The following SUFU variants were observed in gnomAD, a reference collection of about 807,000 sequenced individuals.
The protein encoded by SUFU is suppressor of fused homolog.
In SUFU, 7 loss-of-function variants were observed where a neutral mutation model predicts 58.9. The observed-to-expected ratio is 0.12, with a 90% CI of 0.07 to 0.22. SUFU has a LOEUF of 0.22. SUFU is among the 10% of genes least tolerant of loss of function. The pLI, the probability that SUFU is intolerant of heterozygous loss-of-function variation, is 1.00. For missense variants in SUFU, 451 were observed against 641.3 expected (o/e 0.70, Z 3.20); for synonymous variants, 232 against 254.8 (o/e 0.91, Z 0.85).
Position 102,619,724 on chromosome 10 carries a change from C to T in SUFU, c.1296+2296C>T, listed in dbSNP as rs539471138. On this transcript the variant is annotated intron_variant, in intron 10 of 11. Coordinates refer to ENST00000369902, the MANE Select transcript of SUFU (RefSeq NM_016169.4). This position sits in a 1 kb window ranked among gnomAD's most constrained non-coding sequence, Gnocchi z 4.2. ...GCACTTTCTCCCTCTGACTGCCAGC[C>T]AGCCGCCCCTGTTAGGGTCCTGCCA... 6.6e-6 allele frequency among the ~76,000 whole-genome samples: 1 copy of T among 152,344 alleles called. No homozygotes were observed. The highest frequency in any genetic ancestry group is 1.9e-4 in the East Asian group (1 of 5,186).
chr10:102,513,450 C>T (rs1022682447), intron 2 of SUFU, among the ~76,000 whole-genome samples: 3 of 152,212 alleles, frequency 2.0e-5, no homozygotes, highest in African/African-American at 7.2e-5. Flanking sequence ...GTATCAGACA[C>T]AGAACATCGT....
chr10:102,532,449 A>G (rs1324594294), intron 2 of SUFU, among the ~76,000 whole-genome samples: 1 of 152,216 alleles, frequency 6.6e-6, no homozygotes, highest in Non-Finnish European at 1.5e-5. Context: ...GGAATAGCTC[A>G]TCTGAGTGCT....
At chr10:102,608,160 G>T (rs1341029993) in intron 8 of SUFU, among the ~76,000 whole-genome samples, 1 of 151,872 alleles carries the variant, frequency 6.6e-6, no homozygotes, top group Non-Finnish European at 1.5e-5. Context: ...GGAGTTGGGG[G>T]TTGTAGTGAA....
chr10:102,556,749 A>G (rs1283961384), intron 3 of SUFU, among the ~76,000 whole-genome samples: 1 of 59,764 alleles, frequency 1.7e-5, no homozygotes, highest in Non-Finnish European at 3.2e-5. Flanking sequence ...AAAAAAAAAA[A>G]AGGAAGGGAG....
At chr10:102,509,628 C>T (rs2062375373) in intron 2 of SUFU, among the ~76,000 whole-genome samples, 1 of 152,044 alleles carries the variant, frequency 6.6e-6, no homozygotes, top group African/African-American at 2.4e-5. Flanking sequence ...CCTTTTATTC[C>T]CCTAGCTTAT....
At chr10:102,517,074 G>A (rs2062480063) in intron 2 of SUFU, among the ~76,000 whole-genome samples, 1 of 147,012 alleles carries the variant, frequency 6.8e-6, no homozygotes, top group Non-Finnish European at 1.5e-5. Context: ...AGTGAGCCGA[G>A]ACTGCATCAT....
chr10:102,556,293 T>C (rs527854989), intron 3 of SUFU, among the ~76,000 whole-genome samples: 101 of 152,238 alleles, frequency 6.6e-4, no homozygotes, highest in African/African-American at 2.1e-3. Context: ...ACAGCTACCC[T>C]CTGGGAGGTT....
chr10:102,513,322 A>T (rs537055854), intron 2 of SUFU, among the ~76,000 whole-genome samples: 1 of 152,332 alleles, frequency 6.6e-6, no homozygotes, highest in Non-Finnish European at 1.5e-5. Flanking sequence ...CTGGGTTGGA[A>T]TGATGGCAAA....
At chr10:102,590,645 T>A (rs2063390053) in intron 3 of SUFU, among the ~76,000 whole-genome samples, 1 of 152,224 alleles carries the variant, frequency 6.6e-6, no homozygotes, top group Non-Finnish European at 1.5e-5. Context: ...CTTTTATTTT[T>A]TGGAAGAGTT....
At chr10:102,594,197 T>A (rs1267223262) in intron 6 of SUFU, 132 bp downstream of exon 6, 1 of 911,192 alleles carries the variant, frequency 1.1e-6, no homozygotes, top group East Asian at 2.6e-5. Flanking sequence ...CACTTGGAAC[T>A]TGTCCCCTGA....
At chr10:102,608,507 T>C (rs2063586163) in intron 8 of SUFU, among the ~76,000 whole-genome samples, 1 of 151,990 alleles carries the variant, frequency 6.6e-6, no homozygotes, top group South Asian at 2.1e-4. Flanking sequence ...AGGCTGAGAG[T>C]TGAGGGTGAG....
intron 8 of SUFU, among the ~76,000 whole-genome samples, chr10:102,603,021 A>G (rs1185991098): frequency 6.6e-6 from 1 of 152,162 alleles, no homozygotes; most frequent in Non-Finnish European, 1.5e-5. Context: ...CAATATCTGT[A>G]GAGATTTGAG....
chr10:102,624,788 C>T (rs925636495), intron 10 of SUFU, among the ~76,000 whole-genome samples: 2 of 152,200 alleles, frequency 1.3e-5, no homozygotes, highest in African/African-American at 2.4e-5. Flanking sequence ...GGTGGCATTA[C>T]GTTTCCTTGA....
intron 8 of SUFU, among the ~76,000 whole-genome samples, chr10:102,600,456 G>A (rs1347695050): frequency 6.6e-6 from 1 of 152,186 alleles, no homozygotes; most frequent in Admixed American, 6.5e-5. Flanking sequence ...GAGAACATGA[G>A]TGAAACAGTT....
chr10:102,503,857 A>C (rs1382954682), upstream of SUFU: 1 of 383,508 alleles, frequency 2.6e-6, no homozygotes, highest in Non-Finnish European at 4.7e-6. Flanking sequence ...GCCTATTGTC[A>C]AGTCACACCT....
chr10:102,511,960 C>T (rs2062405355), intron 2 of SUFU, among the ~76,000 whole-genome samples: 1 of 152,204 alleles, frequency 6.6e-6, no homozygotes, highest in African/African-American at 2.4e-5. Context: ...GATCTTCCTG[C>T]CTTGGCCTCC....
chr10:102,532,017 T>G (rs2062682976), intron 2 of SUFU, among the ~76,000 whole-genome samples: 1 of 151,808 alleles, frequency 6.6e-6, no homozygotes, highest in African/African-American at 2.4e-5. Context: ...TGCAGTGGCA[T>G]AGTGGCATGA....
In SUFU at chr10:102,619,959, G is replaced by A. The variant is rs1019282123; in HGVS notation, c.1296+2531G>A. ...TCAGGAGGGGACCCCAGCACAAAGA[G>A]GCCCACCCTTGCTCCCTGCAGGCAT... is the stretch of plus-strand genomic sequence containing the variant. On this transcript the variant is annotated intron_variant, in intron 10 of 11. Transcript: ENST00000369902. The surrounding 1 kb of genome is among the most constrained non-coding windows in gnomAD (Gnocchi z 4.2). Among the ~76,000 whole-genome samples, 4 of 152,142 alleles carry A rather than the reference G, an allele frequency of 2.6e-5. No homozygotes were observed. The highest frequency in any genetic ancestry group is 5.9e-5 in the Non-Finnish European group (4 of 68,020).
intron 8 of SUFU, among the ~76,000 whole-genome samples, chr10:102,607,750 C>T (rs1246340096): frequency 1.3e-5 from 2 of 151,970 alleles, no homozygotes; most frequent in Non-Finnish European, 2.9e-5. Flanking sequence ...CCCGTCTCTA[C>T]TAAAATACAA....
Sources: allele counts gnomAD v4.1 joint callset (sites outside exome capture counted in the v4.1 genomes callset), GRCh38; gene constraint gnomAD v4.1.1; non-coding constraint Gnocchi (gnomAD v3.1); transcripts MANE v1.5; gene names NCBI Gene and HGNC (gene_info 2026-07-23, HGNC 2026-07-21).